Variants in ZNF730 observed in about 807,000 individuals in gnomAD.
ZNF730 encodes the protein zinc finger protein 730.
In ZNF730, 12 loss-of-function variants were observed where a neutral mutation model predicts 12.6. That is an observed-to-expected ratio of 0.95 (90% CI 0.61 to 1.54). ZNF730 has a LOEUF of 1.54. ZNF730 is among the 40% of genes most tolerant of loss of function. ZNF730 has a pLI of 0.00. For missense variants in ZNF730, 643 were observed against 583.5 expected, an observed-to-expected ratio of 1.10 and a Z score of -1.05; for synonymous variants, 194 against 195.8, an observed-to-expected ratio of 0.99 and a Z score of 0.08.
chr19:23,075,766 A>G (rs1969848018), intron 1 of ZNF730, among the ~76,000 whole-genome samples: 1 of 151,614 alleles, frequency 6.6e-6, no homozygotes, highest in Admixed American at 6.6e-5. Flanking sequence ...CTTTTTAGAC[A>G]GTCTCGCTCT....
intron 1 of ZNF730, among the ~76,000 whole-genome samples, chr19:23,099,490 C>T (rs992198847): frequency 6.6e-6 from 1 of 152,188 alleles, no homozygotes; most frequent in African/African-American, 2.4e-5. Flanking sequence ...TTCTGAGGTT[C>T]TGAATCTCAC....
chr19:23,096,328 G>A (rs1204737946), intron 1 of ZNF730, among the ~76,000 whole-genome samples: 2 of 152,186 alleles, frequency 1.3e-5, no homozygotes, highest in African/African-American at 4.8e-5. Flanking sequence ...TCCAGCCTGG[G>A]ACCTGCATAC....
At chr19:23,116,885 T>G (rs1970534232), upstream of ZNF730, 3 of 426,032 alleles carry the variant, frequency 7.0e-6, no homozygotes, top group African/African-American at 2.1e-5. Context: ...CTTCATTCAG[T>G]CCAGCATCTG....
chr19:23,139,317 G>T (rs764367101), intron 3 of ZNF730, among the ~76,000 whole-genome samples: 13 of 151,924 alleles, frequency 8.6e-5, no homozygotes, highest in Non-Finnish European at 1.3e-4. Flanking sequence ...TGTATAAATA[G>T]CATATATTTA....
At chr19:23,134,240 A>G (rs766461469) in intron 2 of ZNF730, 34 bp downstream of exon 2, 1 of 1,493,642 alleles carries the variant, frequency 6.7e-7, no homozygotes, top group Non-Finnish European at 9.0e-7. Flanking sequence ...TTCCTAATAT[A>G]CCCTATAGAT....
Position 23,146,007 on chromosome 19 carries a change from T to C in ZNF730, c.963T>C (p.Phe321=), listed in dbSNP as rs1454449308. The change falls in exon 4 of 4, where the codon TTT becomes TTC. Residue 321 remains phenylalanine, a synonymous_variant. Coordinates refer to ENST00000597761, the MANE Select transcript of ZNF730 (RefSeq NM_001277403.2). ...PYKCEKCGKA[F]KWSSTLTKHK... The stretch of plus-strand genomic sequence containing the variant: ...AATGCGAAAAATGTGGCAAAGCTTT[T>C]AAGTGGTCCTCAACCCTTACAAAAC... 2 of 1,606,554 alleles carry C rather than the reference T, an allele frequency of 1.2e-6. No homozygotes were observed. The highest frequency in any genetic ancestry group is 1.7e-6 in the Non-Finnish European group (2 of 1,177,906).
chr19:23,127,650 T>C lies in ZNF730; in HGVS notation c.4-6430T>C. The C allele has an allele frequency of 2.6e-6, 3 of 1,147,508 alleles. No homozygotes were observed. The South Asian group carries it at 3.7e-5, about 14-fold the overall frequency. The allele number at this position is 1,147,508 out of a possible 1,614,324, so 71.1% of individuals were successfully genotyped here. ...GGCAATAAACTCTTTGTGTGAATGG[T>C]GAATTTTACTTTATTCCGCTCACTA... On this transcript the variant is annotated intron_variant, in intron 1 of 3. Transcript: ENST00000597761.
chr19:23,108,594 A>G (rs1241362581), intron 1 of ZNF730, among the ~76,000 whole-genome samples: 1 of 152,206 alleles, frequency 6.6e-6, no homozygotes, highest in Non-Finnish European at 1.5e-5. Flanking sequence ...AGTCACTTTA[A>G]TTCAAGGTAA....
At chr19:23,141,680 G>C (rs1023286715) in intron 3 of ZNF730, among the ~76,000 whole-genome samples, 8 of 151,864 alleles carry the variant, frequency 5.3e-5, no homozygotes, top group African/African-American at 9.7e-5. Flanking sequence ...ATTATTTATA[G>C]TCTCATTCCA....
At chr19:23,117,253 C>T (rs1396607235) in intron 1 of ZNF730, 77 bp downstream of exon 1, 4 of 1,608,946 alleles carry the variant, frequency 2.5e-6, no homozygotes, top group Non-Finnish European at 2.6e-6. Context: ...GTGGCGGGAC[C>T]CAGGCCTCCC....
At chr19:23,096,609 C>CT (rs1238289085) in intron 1 of ZNF730, among the ~76,000 whole-genome samples, 1 of 152,064 alleles carries the variant, frequency 6.6e-6, no homozygotes, top group Non-Finnish European at 1.5e-5. Context: ...TCATGCGATT[C>CT]TTTTTTTTCT....
In ZNF730 at chr19:23,147,189, A is replaced by C. The variant is rs1971028936; in HGVS notation, c.*633A>C. The C allele has an allele frequency of 6.4e-6, 1 of 157,016 alleles. No homozygotes were observed. Among genetic ancestry groups the C allele is most frequent in the African/African-American group, 2.4e-5 (1 of 41,490 alleles). The allele number at this position is 157,016 out of a possible 1,614,324, so 9.7% of individuals were successfully genotyped here. On this transcript the variant is annotated 3_prime_UTR_variant, in exon 4 of 4. Coordinates refer to ENST00000597761, the MANE Select transcript of ZNF730 (RefSeq NM_001277403.2). The stretch of plus-strand genomic sequence containing the variant: ...TCTGCTCACATCAACTCAACATCAG[A>C]GTTCATACTTAATAAAATCATTAAA...
At chr19:23,126,875 A>T (rs1003461059) in intron 1 of ZNF730, 2 of 532,170 alleles carry the variant, frequency 3.8e-6, no homozygotes, top group African/African-American at 3.9e-5. Flanking sequence ...AATACAGGAG[A>T]TCCTTAGCAG....
chr19:23,126,536 G>A (rs962224864), intron 1 of ZNF730: 2 of 399,786 alleles, frequency 5.0e-6, no homozygotes, highest in African/African-American at 4.2e-5. Flanking sequence ...TTGAAGGAAG[G>A]CAGCCCTTTT....
intron 2 of ZNF730, among the ~76,000 whole-genome samples, chr19:23,135,194 C>G (rs10413926): frequency 7.7e-6 from 1 of 129,298 alleles, no homozygotes; most frequent in Non-Finnish European, 1.6e-5. Flanking sequence ...AAATCCCCCT[C>G]TGCGAGAAAC....
rs1971014424 is a variant in ZNF730 at position 23,146,454 on chromosome 19, T to A, written c.1410T>A (p.His470Gln). The A allele has an allele frequency of 6.2e-7, 1 of 1,611,364 alleles. No individual in the cohort carries two copies. ...AFNRSSTLTTHKIIHSGEKIY... is the reference protein window; with the variant it reads ...AFNRSSTLTTQKIIHSGEKIY... The stretch of plus-strand genomic sequence containing the variant: ...ACCGGTCCTCAACCCTCACTACACA[T>A]AAGATAATTCATTCTGGGGAAAAAA... Residue 470 changes from histidine (H) to glutamine (Q), a missense_variant, in exon 4 of 4, where the codon CAT becomes CAA. His to Gln is a conservative substitution (Grantham distance 24, BLOSUM62 0). Coordinates refer to ENST00000597761, the MANE Select transcript of ZNF730 (RefSeq NM_001277403.2).
Position 23,117,765 on chromosome 19 carries a change from T to TG in ZNF730, c.3+589_3+590insG, listed in dbSNP as rs1319904027. ...GTTACATAGTTTCTAAATTTGCACC[T>TG]TGAGCGTACAAATTTTCTGGTTATG... On this transcript the variant is annotated intron_variant, in intron 1 of 3. Coordinates refer to ENST00000597761, the MANE Select transcript of ZNF730 (RefSeq NM_001277403.2). 2.6e-5 allele frequency among the ~76,000 whole-genome samples: 4 copies of TG among 152,320 alleles called. No individual in the cohort carries two copies. In the East Asian group the frequency reaches 7.7e-4, roughly 29 times the overall value.
At chr19:23,088,366 A>G (rs867544019) in intron 1 of ZNF730, among the ~76,000 whole-genome samples, 27 of 152,052 alleles carry the variant, frequency 1.8e-4, no homozygotes, top group Middle Eastern at 3.2e-3. Flanking sequence ...CCCATTCAGT[A>G]TAATGTTGGC....
chr19:23,109,226 A>C (rs947387065), intron 1 of ZNF730, among the ~76,000 whole-genome samples: 5 of 151,926 alleles, frequency 3.3e-5, no homozygotes, highest in Non-Finnish European at 1.5e-5. Flanking sequence ...TTATTTCAAA[A>C]TGTATGAAAT....
Sources: gnomAD v4.1 joint callset for allele counts (sites outside exome capture counted in the v4.1 genomes callset) on GRCh38, gnomAD v4.1.1 for gene constraint, MANE v1.5 for transcripts, NCBI Gene and HGNC (gene_info 2026-07-23, HGNC 2026-07-21) for gene names.